Variants in IP6K3 observed in about 807,000 individuals in gnomAD.
The protein encoded by IP6K3 is inositol hexakisphosphate kinase 3.
IP6K3 carries 20 observed loss-of-function variants against 28.8 expected under a neutral mutation model. The ratio of observed to expected loss-of-function variants is 0.70; its 90% CI spans 0.49 to 1.01. IP6K3 has a LOEUF of 1.01. IP6K3 is among the 50% of genes least tolerant of loss of function. The pLI is 0.00. For synonymous variants in IP6K3, 213 were observed against 221.3 expected (o/e 0.96, Z 0.33); for missense variants, 480 against 537.1 (o/e 0.89, Z 1.05).
chr6:33,735,718 G>A lies in IP6K3; in HGVS notation c.-179-63C>T, dbSNP rs560854134. 1.7e-5 allele frequency: 15 copies of A among 875,354 alleles called. No homozygotes were observed. The South Asian group carries it at 1.8e-4, about 10-fold the overall frequency. 54.2% of individuals were successfully genotyped at this position (875,354 alleles called of 1,614,324 possible). ...GAGGTGGTGGCTGGGGCAGGGCAGC[G>A]CTTGGAAGGGCCCACACAGCCTCGA... On this transcript the variant is annotated intron_variant, in intron 1 of 5. Transcript: ENST00000293756.
At chr6:33,761,632 G>A in the IP6K3 span, among the ~76,000 whole-genome samples, 1 of 152,076 alleles carries the variant, frequency 6.6e-6, no homozygotes, top group Non-Finnish European at 1.5e-5. Flanking sequence ...GCAGGCTGCA[G>A]GGATGTATCA....
intron 1 of IP6K3, among the ~76,000 whole-genome samples, chr6:33,740,323 C>T (rs965899346): frequency 1.3e-5 from 2 of 152,366 alleles, no homozygotes; most frequent in East Asian, 3.9e-4. Context: ...CTGTGTCCTC[C>T]TGCCCTGTCG....
Position 33,721,858 on chromosome 6 carries a change from C to G in IP6K3, c.*862G>C, listed in dbSNP as rs1765912061. On this transcript the variant is annotated 3_prime_UTR_variant, in exon 6 of 6. Transcript: ENST00000293756. Reference sequence around the variant, plus strand: ...ATTGCCCCTGGTTTCCTCCGTCCTCCAGGTTCTTCTGACTCCCCAACCCAC... The same window carrying G: ...ATTGCCCCTGGTTTCCTCCGTCCTCGAGGTTCTTCTGACTCCCCAACCCAC... The G allele has an allele frequency of 6.6e-6, 1 of 152,504 alleles. No homozygotes were observed. The highest frequency in any genetic ancestry group is 2.4e-5 in the African/African-American group (1 of 41,388). 9.4% of individuals were successfully genotyped at this position (152,504 alleles called of 1,614,324 possible).
chr6:33,722,207 TCCTGTG>T lies in IP6K3; in HGVS notation c.*507_*512del. 1.3e-5 allele frequency: 2 copies of T among 152,600 alleles called. No individual in the cohort carries two copies. The highest frequency in any genetic ancestry group is 2.1e-4 in the South Asian group (1 of 4,870). The allele number at this position is 152,600 out of a possible 1,614,324, so 9.5% of individuals were successfully genotyped here. A position where few individuals can be genotyped will look rare whatever the true frequency, so the allele number is the denominator to read the frequency against. Reference sequence around the variant, plus strand: ...AGATGGGTAGATCTCTTCTGCTTCATCCTGTGTCACCTAAAACTCCGCTTAGGAAGA... The same window carrying T: ...AGATGGGTAGATCTCTTCTGCTTCATTCACCTAAAACTCCGCTTAGGAAGA... On this transcript the variant is annotated 3_prime_UTR_variant, in exon 6 of 6. Transcript: ENST00000293756.
At chr6:33,757,254 C>T in the IP6K3 span, among the ~76,000 whole-genome samples, 56 of 152,234 alleles carry the variant, frequency 3.7e-4, no homozygotes, top group African/African-American at 1.3e-3. Context: ...CCAGCGACTC[C>T]CTCCATCCAC....
the IP6K3 span, among the ~76,000 whole-genome samples, chr6:33,755,895 GC>G: frequency 6.6e-6 from 1 of 152,222 alleles, no homozygotes; most frequent in Admixed American, 6.5e-5. Context: ...ATGGAGTCTT[GC>G]TCTTGTCACC....
At chr6:33,758,806 C>T in the IP6K3 span, among the ~76,000 whole-genome samples, 1 of 152,162 alleles carries the variant, frequency 6.6e-6, no homozygotes, top group Admixed American at 6.5e-5. Flanking sequence ...ACCATGTTGG[C>T]CAGGCTGGTC....
At chr6:33,754,712 G>A in the IP6K3 span, among the ~76,000 whole-genome samples, 9 of 152,292 alleles carry the variant, frequency 5.9e-5, no homozygotes, top group East Asian at 3.9e-4. Flanking sequence ...GGAAGGCCCC[G>A]GAGGCTGCTG....
In IP6K3 at chr6:33,728,278, C is replaced by A; in HGVS notation, c.222G>T (p.Trp74Cys). Residue 74 changes from tryptophan to cysteine, a missense_variant, in exon 3 of 6, where the codon TGG becomes TGT. By Grantham distance (215) the Trp-to-Cys change is radical. Coordinates refer to ENST00000293756, the MANE Select transcript of IP6K3 (RefSeq NM_054111.5). ...QYKGTVTVHL[W>C]KDSTGHLSLV... ...AGCTGAGATGGCCTGTGCTGTCTTT[C>A]CAGAGGTGCACTGTGACGGTACCTG... The A allele has an allele frequency of 1.2e-6, 2 of 1,614,166 alleles. No individual in the cohort carries two copies. Among genetic ancestry groups the A allele is most frequent in the Non-Finnish European group, 1.7e-6 (2 of 1,180,034 alleles).
the IP6K3 span, among the ~76,000 whole-genome samples, chr6:33,755,793 C>T: frequency 2.7e-4 from 41 of 152,254 alleles, no homozygotes; most frequent in African/African-American, 9.6e-4. Context: ...TGGAGTTAAG[C>T]AGGGAACAAA....
At chr6:33,748,995 TACCTGGCCCTGGAAGAGGGTATG>T (rs1209974991), upstream of IP6K3, among the ~76,000 whole-genome samples, 1 of 152,150 alleles carries the variant, frequency 6.6e-6, no homozygotes, top group Non-Finnish European at 1.5e-5. Context: ...GGGCTCCGGT[TACCTGGCCCTGGAAGAGGGTATG>T]ACCTCCTTTC....
upstream of IP6K3, among the ~76,000 whole-genome samples, chr6:33,748,319 C>T (rs1451399451): frequency 6.6e-6 from 1 of 152,104 alleles, no homozygotes; most frequent in Non-Finnish European, 1.5e-5. Context: ...GGCCCCTTCT[C>T]CCTCACCGCT....
chr6:33,744,286 C>G lies in IP6K3; in HGVS notation c.-180+2472G>C, dbSNP rs1766830458. 6.6e-6 allele frequency among the ~76,000 whole-genome samples: 1 copy of G among 152,200 alleles called. No homozygotes were observed. The highest frequency in any genetic ancestry group is 6.5e-5 in the Admixed American group (1 of 15,276). On this transcript the variant is annotated intron_variant, in intron 1 of 5. Coordinates refer to ENST00000293756, the MANE Select transcript of IP6K3 (RefSeq NM_054111.5). The surrounding 1 kb of genome is among the most constrained non-coding windows in gnomAD (Gnocchi z 4.4). ...GACCTGCCTACACATTTCCCAGCCT[C>G]CAACACCCTGCCCCACACCTGCTGC...
At chr6:33,725,073 C>CA (rs1766045207) in intron 5 of IP6K3, among the ~76,000 whole-genome samples, 1 of 151,932 alleles carries the variant, frequency 6.6e-6, no homozygotes, top group East Asian at 1.9e-4. Flanking sequence ...ACTGAAAACA[C>CA]AAAAAATTAG....
intron 1 of IP6K3, among the ~76,000 whole-genome samples, chr6:33,743,846 T>G (rs1277125457): frequency 6.6e-6 from 1 of 151,706 alleles, no homozygotes; most frequent in Non-Finnish European, 1.5e-5. Context: ...ATTTTATCCT[T>G]TGAGAGGGTT....
At chr6:33,754,886 A>G in the IP6K3 span, among the ~76,000 whole-genome samples, 1 of 152,224 alleles carries the variant, frequency 6.6e-6, no homozygotes, top group African/African-American at 2.4e-5. Flanking sequence ...ATATGTATCA[A>G]CTCAGTCAAT....
chr6:33,724,503 CT>C (rs1223374950), intron 5 of IP6K3, among the ~76,000 whole-genome samples: 1 of 152,182 alleles, frequency 6.6e-6, no homozygotes, highest in Non-Finnish European at 1.5e-5. Context: ...CCTGCAGCCC[CT>C]GTCATAAGCC....
chr6:33,725,398 G>A lies in IP6K3; in HGVS notation c.765+43C>T, dbSNP rs200250295. ...GAGATATCCTTGCCCCACCGTGGAC[G>A]TGCCGGGATGTCCCCCCCTGTGGTG... On this transcript the variant is annotated intron_variant, in intron 5 of 5. Transcript: ENST00000293756. The A allele has an allele frequency of 2.8e-4, 444 of 1,566,406 alleles. 2 individuals carry two copies. Among genetic ancestry groups the A allele is most frequent in the Middle Eastern group, 2.0e-4 (1 of 5,086 alleles).
At position 33,725,508 on chromosome 6, in the gene IP6K3, G is replaced by A. The variant is rs777114907; in HGVS notation, c.698C>T (p.Ala233Val). ...CTGCGCACACTTCCTCATGTGGCGG[G>A]CCTTCTTCTCCTCCGATGCATCATC... ...HGDDASEEKK[A>V]RHMRKCAQST... Residue 233 changes from alanine to valine, a missense_variant, in exon 5 of 6, where the codon GCC becomes GTC. Transcript: ENST00000293756. 2.5e-6 allele frequency: 4 copies of A among 1,613,838 alleles called. No homozygotes were observed. The highest frequency in any genetic ancestry group is 3.3e-5 in the Admixed American group (2 of 60,014).
Sources: allele counts gnomAD v4.1 joint callset (sites outside exome capture counted in the v4.1 genomes callset), GRCh38; gene constraint gnomAD v4.1.1; non-coding constraint Gnocchi (gnomAD v3.1); transcripts MANE v1.5; gene names NCBI Gene and HGNC (gene_info 2026-07-23, HGNC 2026-07-21).